The following RFTN1 variants were observed in gnomAD, a reference collection of about 807,000 sequenced individuals.
The protein encoded by RFTN1 is raftlin.
Under a neutral mutation model 46.5 loss-of-function variants are expected in RFTN1, and 26 were observed. The ratio of observed to expected loss-of-function variants is 0.56; its 90% CI spans 0.41 to 0.78. The LOEUF (loss-of-function observed/expected upper bound fraction) is 0.78, where lower values mean the gene tolerates loss of function less well. RFTN1 is among the 30% of genes least tolerant of loss of function. The pLI, the probability that RFTN1 is intolerant of heterozygous loss-of-function variation, is 0.00. For missense variants in RFTN1, 693 were observed against 718.7 expected (o/e 0.96, Z 0.41); for synonymous variants, 261 against 284.2 (o/e 0.92, Z 0.82).
rs2076343314 is a variant in RFTN1 at position 16,480,218 on chromosome 3, A to G, written c.145+13507T>C. ...AGCTCCCTTGGGAATATATTATTAT[A>G]CCTATCTTGTGTCAAAGCAACATGC... is the stretch of plus-strand genomic sequence containing the variant. On this transcript the variant is annotated intron_variant, in intron 2 of 9. Transcript: ENST00000334133. This position sits in a 1 kb window ranked among gnomAD's most constrained non-coding sequence, Gnocchi z 4.3. 6.6e-6 allele frequency among the ~76,000 whole-genome samples: 1 copy of G among 152,228 alleles called. No individual in the cohort carries two copies. The highest frequency in any genetic ancestry group is 1.5e-5 in the Non-Finnish European group (1 of 68,044).
intron 2 of RFTN1, among the ~76,000 whole-genome samples, chr3:16,491,913 G>A (rs562198541): frequency 3.8e-4 from 58 of 151,888 alleles, no homozygotes; most frequent in Middle Eastern, 3.4e-3. Context: ...TAATCCTCCC[G>A]CAATGCCCAG....
At chr3:16,379,965 C>A (rs1352519049) in intron 4 of RFTN1, among the ~76,000 whole-genome samples, 1 of 152,222 alleles carries the variant, frequency 6.6e-6, no homozygotes, top group Admixed American at 6.5e-5. Flanking sequence ...ATGGGTTTTA[C>A]AGCCCTCAAA....
chr3:16,415,493 G>A (rs1057199861), intron 3 of RFTN1, among the ~76,000 whole-genome samples: 4 of 148,054 alleles, frequency 2.7e-5, no homozygotes, highest in African/African-American at 9.8e-5. Context: ...CAGGAGAACG[G>A]TCTGGACTGC....
chr3:16,498,528 T>C lies in RFTN1; in HGVS notation c.-8-4651A>G, dbSNP rs1048652039. 6.6e-6 allele frequency among the ~76,000 whole-genome samples: 1 copy of C among 152,238 alleles called. No individual in the cohort carries two copies. The highest frequency in any genetic ancestry group is 1.5e-5 in the Non-Finnish European group (1 of 68,044). ...AATAAATACCAGCCAGCAGCAAAAC[T>C]GTAATATCATTGAATCCTTGAATCT... is the stretch of plus-strand genomic sequence containing the variant. On this transcript the variant is annotated intron_variant, in intron 1 of 9. Coordinates refer to ENST00000334133, the MANE Select transcript of RFTN1 (RefSeq NM_015150.2). This position sits in a 1 kb window ranked among gnomAD's most constrained non-coding sequence, Gnocchi z 5.2.
At position 16,383,619 on chromosome 3, in the gene RFTN1, T is replaced by C. The variant is rs866458209; in HGVS notation, c.442-5517A>G. On this transcript the variant is annotated intron_variant, in intron 4 of 9. Transcript: ENST00000334133. The surrounding 1 kb of genome is among the most constrained non-coding windows in gnomAD (Gnocchi z 4.0). Reference sequence around the variant, plus strand: ...GTTTCTATGTCCAAAATGAATACCATGTTGCTAATGATAAGTGCGATATAT... The same window carrying C: ...GTTTCTATGTCCAAAATGAATACCACGTTGCTAATGATAAGTGCGATATAT... Among the ~76,000 whole-genome samples, 12 of 152,342 alleles carry C rather than the reference T, an allele frequency of 7.9e-5. No homozygotes were observed. The East Asian group carries it at 1.7e-3, about 22-fold the overall frequency.
At chr3:16,340,153 G>A (rs1470518073) in intron 7 of RFTN1, among the ~76,000 whole-genome samples, 11 of 152,294 alleles carry the variant, frequency 7.2e-5, no homozygotes, top group East Asian at 1.9e-4. Flanking sequence ...CCATTGCCAC[G>A]CATTACAGAG....
At chr3:16,405,075 A>G (rs1240369284) in intron 4 of RFTN1, among the ~76,000 whole-genome samples, 1 of 152,136 alleles carries the variant, frequency 6.6e-6, no homozygotes, top group Non-Finnish European at 1.5e-5. Context: ...ATGAACAGCA[A>G]TTTGAAGATG....
At chr3:16,454,833 T>TTTC (rs2075877934) in intron 2 of RFTN1, 1 of 959,834 alleles carries the variant, frequency 1.0e-6, no homozygotes, top group East Asian at 1.1e-4. Context: ...TCTTGTTCAT[T>TTTC]TTCTTCTCCT....
At chr3:16,347,828 CT>C (rs1007872849) in intron 7 of RFTN1, 1 of 152,202 alleles carries the variant, frequency 6.6e-6, no homozygotes, top group Admixed American at 6.5e-5. Context: ...CTCAATGGGA[CT>C]TTTTTACACA....
intron 1 of RFTN1, among the ~76,000 whole-genome samples, chr3:16,495,416 GC>G (rs934322998): frequency 7.2e-5 from 11 of 152,248 alleles, no homozygotes; most frequent in Admixed American, 5.2e-4. Context: ...ACTCATTCAT[GC>G]AGATTTACTC....
At position 16,345,788 on chromosome 3, in the gene RFTN1, CTGTGTGTGTGTGTG is replaced by C. The variant is rs370820242; in HGVS notation, c.1146+12130_1146+12143del. Among the ~76,000 whole-genome samples, 3 of 127,174 alleles carry C rather than the reference CTGTGTGTGTGTGTG, an allele frequency of 2.4e-5. No individual in the cohort carries two copies. Among genetic ancestry groups the C allele is most frequent in the Non-Finnish European group, 5.1e-5 (3 of 58,644 alleles). The allele number at this position is 127,174 out of a possible 152,430, so 83.4% of individuals were successfully genotyped here. A position where few individuals can be genotyped will look rare whatever the true frequency, so the allele number is the denominator to read the frequency against. ...TGAGCCAAAACCTTATAATAAATCT[CTGTGTGTGTGTGTG>C]TGTGTGTGTGTGTGTGCGCGCGCGC... On this transcript the variant is annotated intron_variant, in intron 7 of 9. Transcript: ENST00000334133. The surrounding 1 kb of genome is among the most constrained non-coding windows in gnomAD (Gnocchi z 5.2).
intron 3 of RFTN1, among the ~76,000 whole-genome samples, chr3:16,419,415 G>A (rs760446182): frequency 9.9e-5 from 15 of 152,168 alleles, no homozygotes; most frequent in Non-Finnish European, 1.9e-4. Context: ...ATGTAGGAAG[G>A]GGGGAAGAAT....
rs2068545183 is a variant in RFTN1, at chr3:16,317,558, C to T, written c.1333-326G>A. Among the ~76,000 whole-genome samples, 1 of 152,138 alleles carries T rather than the reference C, an allele frequency of 6.6e-6. No homozygotes were observed. The highest frequency in any genetic ancestry group is 2.4e-5 in the African/African-American group (1 of 41,418). ...CCTAAAGTCCTATCATTTGGAGGGCCAGGATGGAGAGGAGATGTGAGGCCT... is the reference window on the plus strand; with the variant it reads ...CCTAAAGTCCTATCATTTGGAGGGCTAGGATGGAGAGGAGATGTGAGGCCT... On this transcript the variant is annotated intron_variant, in intron 9 of 9. Coordinates refer to ENST00000334133, the MANE Select transcript of RFTN1 (RefSeq NM_015150.2). This position sits in a 1 kb window ranked among gnomAD's most constrained non-coding sequence, Gnocchi z 4.3.
In RFTN1 at chr3:16,353,773, A is replaced by C. The variant is rs1258317852; in HGVS notation, c.1146+4159T>G. On this transcript the variant is annotated intron_variant, in intron 7 of 9. Transcript: ENST00000334133. The surrounding 1 kb of genome is among the most constrained non-coding windows in gnomAD (Gnocchi z 5.4). ...TCCCACCTGTGCGTGCTCAGAGGCA[A>C]GGGCATATGAGGATACAGTGAGAAG... Among the ~76,000 whole-genome samples, 1 of 152,148 alleles carries C rather than the reference A, an allele frequency of 6.6e-6. No homozygotes were observed. The highest frequency in any genetic ancestry group is 2.4e-5 in the African/African-American group (1 of 41,438).
intron 8 of RFTN1, among the ~76,000 whole-genome samples, chr3:16,326,492 G>A (rs73142370): frequency 0.049 from 7,488 of 152,248 alleles, 572 homozygotes; most frequent in African/African-American, 0.17. Context: ...TGCATTGGAG[G>A]CTCTGAGCCC....
intron 2 of RFTN1, among the ~76,000 whole-genome samples, chr3:16,455,936 C>A (rs1329206390): frequency 6.6e-6 from 1 of 152,112 alleles, no homozygotes; most frequent in Non-Finnish European, 1.5e-5. Context: ...CTAAACTAAT[C>A]AATTAGTTTC....
In RFTN1 at chr3:16,452,717, G is replaced by A. The variant is rs1020445268; in HGVS notation, c.146-18680C>T. On this transcript the variant is annotated intron_variant, in intron 2 of 9. Transcript: ENST00000334133. The surrounding 1 kb of genome is among the most constrained non-coding windows in gnomAD (Gnocchi z 6.3). ...GTGTTGCCAGGCCCTTCAGTAAGAT[G>A]AGGAATGGAAGACATCCACTGGATT... Among the ~76,000 whole-genome samples, 2 of 152,218 alleles carry A rather than the reference G, an allele frequency of 1.3e-5. No homozygotes were observed. Among genetic ancestry groups the A allele is most frequent in the African/African-American group, 4.8e-5 (2 of 41,450 alleles).
chr3:16,500,583 G>A lies in RFTN1; in HGVS notation c.-8-6706C>T, dbSNP rs1302485324. 2.0e-5 allele frequency among the ~76,000 whole-genome samples: 3 copies of A among 152,154 alleles called. No individual in the cohort carries two copies. The highest frequency in any genetic ancestry group is 4.8e-5 in the African/African-American group (2 of 41,444). On this transcript the variant is annotated intron_variant, in intron 1 of 9. Transcript: ENST00000334133. The surrounding 1 kb of genome is among the most constrained non-coding windows in gnomAD (Gnocchi z 5.9). The stretch of plus-strand genomic sequence containing the variant: ...AATAAAGTAATCAGAAGAAGGTTCC[G>A]AGACCCGAACTGCAAGAAGAAGATG...
chr3:16,364,038 T>G (rs2072999655), intron 6 of RFTN1, among the ~76,000 whole-genome samples: 1 of 152,260 alleles, frequency 6.6e-6, no homozygotes, highest in South Asian at 2.1e-4. Flanking sequence ...TGAGCAAGGC[T>G]GCTGCCTTCT....
Sources: gnomAD v4.1 joint callset for allele counts (sites outside exome capture counted in the v4.1 genomes callset) on GRCh38, gnomAD v4.1.1 for gene constraint, Gnocchi (gnomAD v3.1) non-coding constraint, MANE v1.5 for transcripts, NCBI Gene and HGNC (gene_info 2026-07-23, HGNC 2026-07-21) for gene names.